Variants in TCF12 observed in about 807,000 individuals in gnomAD.
TCF12 encodes the protein DNA-binding protein HTF4.
TCF12 carries 45 observed loss-of-function variants against 86.0 expected under a neutral mutation model. The ratio of observed to expected loss-of-function variants is 0.52; its 90% confidence interval spans 0.41 to 0.67. TCF12 has a LOEUF of 0.67. Among genes scored for constraint, TCF12 ranks in the 30% least tolerant of loss-of-function variants. TCF12 has a pLI of 0.00. For missense variants in TCF12, 881 were observed against 859.9 expected, an observed-to-expected ratio of 1.02 and a Z score of -0.31; for synonymous variants, 330 against 299.6, an observed-to-expected ratio of 1.10 and a Z score of -1.05.
intron 18 of TCF12, among the ~76,000 whole-genome samples, chr15:57,265,173 T>C (rs1221301528): frequency 1.3e-5 from 2 of 151,860 alleles, no homozygotes; most frequent in African/African-American, 4.8e-5. Flanking sequence ...TTATTATTAT[T>C]ATCAAGTACA....
intron 3 of TCF12, among the ~76,000 whole-genome samples, chr15:57,055,158 T>A (rs1200023765): frequency 6.6e-6 from 1 of 152,082 alleles, no homozygotes; most frequent in African/African-American, 2.4e-5. Flanking sequence ...CCCAGCACTT[T>A]GGGAGGCCGA....
intron 3 of TCF12, among the ~76,000 whole-genome samples, chr15:57,028,696 G>C (rs1452800045): frequency 6.6e-6 from 1 of 152,086 alleles, no homozygotes; most frequent in African/African-American, 2.4e-5. Context: ...ATTTACCAAA[G>C]CTTTCATTGT....
At chr15:57,177,607 C>CAAGAGAGAGAGAGAGAGAGAGAGAGA (rs1567572655) in intron 6 of TCF12, among the ~76,000 whole-genome samples, 1 of 5,002 alleles carries the variant, frequency 2.0e-4, no homozygotes. Flanking sequence ...TGTTAAAAGG[C>CAAGAGAGAGAGAGAGAGAGAGAGAGA]CAGAGAGAGA....
chr15:57,229,141 G>A (rs1344780624), intron 8 of TCF12, among the ~76,000 whole-genome samples: 5 of 151,826 alleles, frequency 3.3e-5, no homozygotes, highest in South Asian at 2.1e-4. Flanking sequence ...ATATAGAAAG[G>A]GGACAGAGAA....
At chr15:56,979,836 C>T (rs1246212206) in intron 3 of TCF12, among the ~76,000 whole-genome samples, 2 of 152,126 alleles carry the variant, frequency 1.3e-5, no homozygotes, top group South Asian at 2.1e-4. Flanking sequence ...GACCTGTACC[C>T]TGAAAATCTT....
chr15:57,038,516 G>T (rs771486893), intron 3 of TCF12, among the ~76,000 whole-genome samples: 2 of 152,112 alleles, frequency 1.3e-5, no homozygotes, highest in African/African-American at 2.4e-5. Flanking sequence ...GTACTATTTC[G>T]TGATATCACA....
At chr15:56,953,653 T>C (rs1436538901) in intron 3 of TCF12, among the ~76,000 whole-genome samples, 1 of 152,066 alleles carries the variant, frequency 6.6e-6, no homozygotes, top group Non-Finnish European at 1.5e-5. Context: ...TGAGCTTTGA[T>C]AATTTGTGTT....
chr15:57,184,783 A>G (rs1412742534), intron 6 of TCF12, among the ~76,000 whole-genome samples: 2 of 152,172 alleles, frequency 1.3e-5, no homozygotes, highest in African/African-American at 4.8e-5. Context: ...AGATGTGACA[A>G]TGGAAATTTC....
intron 3 of TCF12, among the ~76,000 whole-genome samples, chr15:57,052,852 T>G (rs2067734872): frequency 6.6e-6 from 1 of 152,220 alleles, no homozygotes; most frequent in African/African-American, 2.4e-5. Flanking sequence ...CAGTATAACT[T>G]CATCCATTGA....
intron 3 of TCF12, among the ~76,000 whole-genome samples, chr15:56,928,834 A>C (rs2060126476): frequency 6.6e-6 from 1 of 152,180 alleles, no homozygotes; most frequent in Non-Finnish European, 1.5e-5. Context: ...AATTAAGTAA[A>C]ATAAAAATTA....
intron 6 of TCF12, among the ~76,000 whole-genome samples, chr15:57,177,842 G>T (rs949487622): frequency 2.0e-5 from 3 of 151,810 alleles, no homozygotes; most frequent in Admixed American, 6.6e-5. Context: ...GCAGCCTCCT[G>T]GGACTACAGG....
intron 8 of TCF12, among the ~76,000 whole-genome samples, chr15:57,219,882 T>G (rs997704935): frequency 1.1e-4 from 16 of 151,844 alleles, no homozygotes; most frequent in Admixed American, 1.1e-3. Context: ...CCCGCCACCA[T>G]GCCCAGCTAA....
intron 5 of TCF12, among the ~76,000 whole-genome samples, chr15:57,165,823 A>G (rs139503046): frequency 0.041 from 6,315 of 152,264 alleles, 371 homozygotes; most frequent in African/African-American, 0.13. Context: ...GGCGTGAGCC[A>G]CTGTGCCTGG....
chr15:57,043,553 T>C (rs1383194542), intron 3 of TCF12, among the ~76,000 whole-genome samples: 1 of 152,220 alleles, frequency 6.6e-6, no homozygotes, highest in African/African-American at 2.4e-5. Context: ...TGATCAGATA[T>C]GTTGAGCACA....
chr15:57,133,627 T>G (rs528545985), intron 5 of TCF12, among the ~76,000 whole-genome samples: 52 of 148,254 alleles, frequency 3.5e-4, no homozygotes, highest in African/African-American at 1.2e-3. Flanking sequence ...GTAATGTGTT[T>G]TTTTTTTTTT....
rs1488989270 is a variant in TCF12 at position 57,215,739 on chromosome 15, G to A, written c.580-15413G>A. 2.0e-5 allele frequency among the ~76,000 whole-genome samples: 3 copies of A among 152,064 alleles called. No homozygotes were observed. In the East Asian group the frequency reaches 5.8e-4, roughly 29 times the overall value. ...AAAATTTTCTTTCCAAAACTATTTAGAATTTTGTGTTACCTTTAGAAACAT... is the reference window on the plus strand; with the variant it reads ...AAAATTTTCTTTCCAAAACTATTTAAAATTTTGTGTTACCTTTAGAAACAT... On this transcript the variant is annotated intron_variant, in intron 8 of 20. Transcript: ENST00000333725.
At chr15:57,089,629 T>A (rs189279988) in intron 4 of TCF12, among the ~76,000 whole-genome samples, 1 of 151,902 alleles carries the variant, frequency 6.6e-6, no homozygotes, top group East Asian at 1.9e-4. Context: ...CTTTTTGTTG[T>A]TCAAGAATGA....
intron 8 of TCF12, among the ~76,000 whole-genome samples, chr15:57,220,683 G>A (rs1456113671): frequency 6.6e-6 from 1 of 151,426 alleles, no homozygotes; most frequent in Non-Finnish European, 1.5e-5. Context: ...ATAAGCCAGA[G>A]GATTTTATAT....
chr15:57,169,047 A>AAAATAAAT (rs1211474799), intron 6 of TCF12, among the ~76,000 whole-genome samples: 2 of 152,138 alleles, frequency 1.3e-5, no homozygotes, highest in Admixed American at 6.5e-5. Context: ...TTCTGTCTCA[A>AAAATAAAT]AAATAAATAA....
Sources: gnomAD v4.1 joint callset for allele counts (sites outside exome capture counted in the v4.1 genomes callset) on GRCh38, gnomAD v4.1.1 for gene constraint, MANE v1.5 for transcripts, NCBI Gene and HGNC (gene_info 2026-07-23, HGNC 2026-07-21) for gene names.